Variants in JMJD1C observed in about 807,000 individuals in gnomAD.
JMJD1C encodes the protein jumonji domain containing 1C, also known as jumonji domain-containing protein 1C.
JMJD1C carries 31 observed loss-of-function variants against 245.3 expected under a neutral mutation model. The observed-to-expected ratio is 0.13, with a 90% CI of 0.09 to 0.17. The LOEUF (loss-of-function observed/expected upper bound fraction) is 0.17, where lower values mean the gene tolerates loss of function less well. JMJD1C is among the 10% of genes least tolerant of loss of function. The pLI is 1.00. For synonymous variants in JMJD1C, 1,057 were observed against 1,017.4 expected (o/e 1.04, Z -0.74); for missense variants, 2,691 against 3,000.2 (o/e 0.90, Z 2.41).
chr10:63,189,357 G>C lies in JMJD1C; in HGVS notation c.6381C>G (p.Ser2127=), dbSNP rs1206751471. 3 of 1,613,462 alleles carry C rather than the reference G, an allele frequency of 1.9e-6. No homozygotes were observed. The highest frequency in any genetic ancestry group is 1.6e-4 in the Middle Eastern group (1 of 6,080). The stretch of plus-strand genomic sequence containing the variant: ...TAAGCTCTGGTTTTACATTTATCTT[G>C]GAGGTTTTACTTGGTGGAATTTTGT... ...VENKIPPSKT[S]KINVKPELKE... Residue 2127 remains serine (S), a synonymous_variant, in exon 18 of 26, where the codon TCC becomes TCG. Coordinates refer to ENST00000399262, the MANE Select transcript of JMJD1C (RefSeq NM_032776.3).
chr10:63,407,758 G>A (rs1245238829), intron 1 of JMJD1C, among the ~76,000 whole-genome samples: 1 of 148,462 alleles, frequency 6.7e-6, no homozygotes, highest in Non-Finnish European at 1.5e-5. Context: ...TGAGGTAAGA[G>A]GAAAATACCA....
At chr10:63,501,005 G>A (rs1954541104) in intron 1 of JMJD1C, among the ~76,000 whole-genome samples, 1 of 116,644 alleles carries the variant, frequency 8.6e-6, no homozygotes, top group African/African-American at 3.4e-5. Flanking sequence ...ATTCATATAA[G>A]ATAGACTTCA....
At chr10:63,226,919 G>T (rs1392913751) in intron 3 of JMJD1C, among the ~76,000 whole-genome samples, 1 of 151,392 alleles carries the variant, frequency 6.6e-6, no homozygotes, top group Non-Finnish European at 1.5e-5. Flanking sequence ...CAAAAAAAAT[G>T]TATTTAGGTG....
chr10:63,232,349 T>C (rs1850133651), intron 3 of JMJD1C, among the ~76,000 whole-genome samples: 1 of 152,038 alleles, frequency 6.6e-6, no homozygotes, highest in Non-Finnish European at 1.5e-5. Flanking sequence ...ATTAAGCCCA[T>C]GAATGTTAAA....
At chr10:63,373,588 G>A (rs919018519) in intron 2 of JMJD1C, among the ~76,000 whole-genome samples, 1 of 152,050 alleles carries the variant, frequency 6.6e-6, no homozygotes, top group African/African-American at 2.4e-5. Context: ...CTAGAAAGAA[G>A]ATAATAAATA....
rs529171652 is a variant in JMJD1C, at chr10:63,354,360, C to T, written c.333+25958G>A. 5.9e-5 allele frequency among the ~76,000 whole-genome samples: 9 copies of T among 152,164 alleles called. No individual in the cohort carries two copies. The South Asian group carries it at 1.9e-3, about 32-fold the overall frequency. The stretch of plus-strand genomic sequence containing the variant: ...AAATTATTCATTTTTATTGTTTGAA[C>T]ATATTGCCTATTTAATTTTTAAGTT... On this transcript the variant is annotated intron_variant, in intron 2 of 25. Transcript: ENST00000399262.
At chr10:63,403,444 T>C (rs1045127593) in intron 1 of JMJD1C, among the ~76,000 whole-genome samples, 2 of 152,230 alleles carry the variant, frequency 1.3e-5, no homozygotes, top group Non-Finnish European at 2.9e-5. Context: ...ACATATTCAA[T>C]GTTCTTTGGA....
intron 1 of JMJD1C, among the ~76,000 whole-genome samples, chr10:63,406,526 G>C (rs990458198): frequency 5.9e-5 from 9 of 151,610 alleles, no homozygotes; most frequent in African/African-American, 1.9e-4. Flanking sequence ...AAGAAAAAAG[G>C]CTACACCAAG....
chr10:63,427,681 GA>G, intron 1 of JMJD1C: 1 of 1,304,450 alleles, frequency 7.7e-7, no homozygotes. Flanking sequence ...AATCCGCAGA[GA>G]AGCCTGGGTC....
intron 2 of JMJD1C, among the ~76,000 whole-genome samples, chr10:63,316,263 G>C (rs1351165885): frequency 6.6e-6 from 1 of 152,162 alleles, no homozygotes; most frequent in African/African-American, 2.4e-5. Context: ...TTTTTGATTA[G>C]TTAGAAGTAC....
chr10:63,453,283 C>G (rs1952186792), intron 1 of JMJD1C, among the ~76,000 whole-genome samples: 1 of 151,990 alleles, frequency 6.6e-6, no homozygotes, highest in Middle Eastern at 3.4e-3. Flanking sequence ...TCAAACAAAC[C>G]AAAACAAAAA....
chr10:63,384,202 T>A (rs1439131043), intron 1 of JMJD1C, among the ~76,000 whole-genome samples: 1 of 152,186 alleles, frequency 6.6e-6, no homozygotes, highest in African/African-American at 2.4e-5. Flanking sequence ...TCTTGATATA[T>A]CTACCACATC....
chr10:63,309,734 T>A (rs953815174), intron 2 of JMJD1C, among the ~76,000 whole-genome samples: 13 of 151,886 alleles, frequency 8.6e-5, no homozygotes, highest in Non-Finnish European at 1.9e-4. Flanking sequence ...CTGACCAACA[T>A]GGTGAAACCC....
At chr10:63,314,296 A>G (rs1024146738) in intron 2 of JMJD1C, among the ~76,000 whole-genome samples, 3 of 152,254 alleles carry the variant, frequency 2.0e-5, no homozygotes, top group African/African-American at 7.2e-5. Context: ...GTGGTGGCTC[A>G]TGCCTATAAT....
chr10:63,406,522 A>G (rs1949180904), intron 1 of JMJD1C, among the ~76,000 whole-genome samples: 2 of 152,120 alleles, frequency 1.3e-5, no homozygotes, highest in African/African-American at 4.8e-5. Flanking sequence ...AAAAAAGAAA[A>G]AAGGCTACAC....
intron 2 of JMJD1C, among the ~76,000 whole-genome samples, chr10:63,270,391 A>C (rs908073027): frequency 4.8e-4 from 71 of 149,188 alleles, no homozygotes; most frequent in African/African-American, 1.7e-3. Flanking sequence ...TGTCTCAAAA[A>C]CTCCTGACCT....
intron 1 of JMJD1C, among the ~76,000 whole-genome samples, chr10:63,382,183 C>G (rs1347596814): frequency 1.3e-5 from 2 of 152,114 alleles, no homozygotes; most frequent in African/African-American, 4.8e-5. Context: ...TGCACACCAG[C>G]CTGGGTGATA....
At chr10:63,228,894 T>C (rs1380821639) in intron 3 of JMJD1C, among the ~76,000 whole-genome samples, 1 of 152,178 alleles carries the variant, frequency 6.6e-6, no homozygotes, top group Non-Finnish European at 1.5e-5. Flanking sequence ...AATATAACAA[T>C]ATACTTGATT....
Position 63,184,595 on chromosome 10 carries a change from A to G in JMJD1C, c.6961+13T>C. On this transcript the variant is annotated intron_variant, in intron 21 of 25. Transcript: ENST00000399262. ...ATAATTCCTACATGGGAGAAATGTG[A>G]ATATATACCTACCATAGGCACTGCA... 6.3e-7 allele frequency: 1 copy of G among 1,586,376 alleles called. No individual in the cohort carries two copies. Among genetic ancestry groups the G allele is most frequent in the Non-Finnish European group, 8.5e-7 (1 of 1,172,358 alleles).
Sources: allele counts gnomAD v4.1 joint callset (sites outside exome capture counted in the v4.1 genomes callset), GRCh38; gene constraint gnomAD v4.1.1; transcripts MANE v1.5; gene names NCBI Gene and HGNC (gene_info 2026-07-23, HGNC 2026-07-21).